Variants in TBC1D19 observed in about 807,000 individuals in gnomAD.
TBC1D19 encodes TBC1 domain family, member 19.
Under a neutral mutation model 89.0 loss-of-function variants are expected in TBC1D19, and 60 were observed. The observed-to-expected ratio is 0.67, with a 90% CI of 0.55 to 0.84. TBC1D19 has a LOEUF of 0.84. Among genes scored for constraint, TBC1D19 ranks in the 40% least tolerant of loss-of-function variants. TBC1D19 has a pLI of 0.00. For synonymous variants in TBC1D19, 189 were observed against 199.7 expected, an observed-to-expected ratio of 0.95 and a Z score of 0.45; for missense variants, 500 against 610.8, an observed-to-expected ratio of 0.82 and a Z score of 1.91.
the TBC1D19 span, among the ~76,000 whole-genome samples, chr4:26,801,677 A>G: frequency 3.3e-5 from 5 of 152,202 alleles, no homozygotes; most frequent in East Asian, 9.6e-4. Flanking sequence ...ATCCTCTTTT[A>G]TTTCATTGAA....
At chr4:26,765,630 C>G in the TBC1D19 span, among the ~76,000 whole-genome samples, 1 of 152,124 alleles carries the variant, frequency 6.6e-6, no homozygotes, top group African/African-American at 2.4e-5. Flanking sequence ...GAGCAATAAA[C>G]TTTACTGCTG....
chr4:26,688,341 A>T lies in TBC1D19; in HGVS notation c.892-4A>T. On this transcript the variant is annotated splice_polypyrimidine_tract_variant and splice_region_variant and intron_variant, in intron 12 of 20. Coordinates refer to ENST00000264866, the MANE Select transcript of TBC1D19 (RefSeq NM_018317.4). The stretch of plus-strand genomic sequence containing the variant: ...TTTTCAGTACTGTCTACTTTTAATT[A>T]TAGGATGTGAAGTTGACAGCAAGCA... 6.4e-7 allele frequency: 1 copy of T among 1,571,114 alleles called. No homozygotes were observed. Among genetic ancestry groups the T allele is most frequent in the Non-Finnish European group, 8.7e-7 (1 of 1,153,530 alleles).
At chr4:26,646,723 T>C (rs1006750785) in intron 7 of TBC1D19, among the ~76,000 whole-genome samples, 2 of 152,156 alleles carry the variant, frequency 1.3e-5, no homozygotes, top group Non-Finnish European at 2.9e-5. Flanking sequence ...CTGCATGTTC[T>C]CACTCATAGG....
chr4:26,585,519 A>G (rs753006916), intron 1 of TBC1D19, among the ~76,000 whole-genome samples: 2 of 150,284 alleles, frequency 1.3e-5, no homozygotes, highest in Non-Finnish European at 3.0e-5. Flanking sequence ...AGTTGTAAGG[A>G]TTCTTTCTAT....
At chr4:26,715,948 C>T (rs940321390) in intron 13 of TBC1D19, among the ~76,000 whole-genome samples, 2 of 152,010 alleles carry the variant, frequency 1.3e-5, no homozygotes, top group Non-Finnish European at 2.9e-5. Context: ...CACATATATC[C>T]GCATGCTAAG....
At chr4:26,654,139 G>A (rs1744614259) in intron 7 of TBC1D19, among the ~76,000 whole-genome samples, 1 of 152,164 alleles carries the variant, frequency 6.6e-6, no homozygotes, top group South Asian at 2.1e-4. Context: ...ACAAAGCTTA[G>A]TTTGTCTGGA....
chr4:26,686,016 C>A (rs148899796), intron 12 of TBC1D19, among the ~76,000 whole-genome samples: 5 of 152,064 alleles, frequency 3.3e-5, no homozygotes, highest in African/African-American at 1.2e-4. Flanking sequence ...CTAAGCTGTG[C>A]GCAACGTGAA....
intron 10 of TBC1D19, 71 bp downstream of exon 10, chr4:26,672,258 T>C: frequency 2.5e-6 from 3 of 1,186,114 alleles, no homozygotes; most frequent in Non-Finnish European, 3.3e-6. Flanking sequence ...CTGCCTCAGA[T>C]AACCTCCAGG....
the TBC1D19 span, among the ~76,000 whole-genome samples, chr4:26,842,630 TTCTTTC>T: frequency 1.4e-5 from 2 of 146,996 alleles, no homozygotes; most frequent in East Asian, 2.0e-4. Flanking sequence ...CTTTCTTTCT[TTCTTTC>T]TTTCTTTCTT....
intron 1 of TBC1D19, among the ~76,000 whole-genome samples, chr4:26,590,629 G>C (rs1305342498): frequency 1.3e-5 from 2 of 151,924 alleles, no homozygotes; most frequent in Non-Finnish European, 2.9e-5. Context: ...CAGAAAAATT[G>C]ATCAGAAAGT....
At chr4:26,713,456 A>G (rs1402435341) in intron 13 of TBC1D19, among the ~76,000 whole-genome samples, 3 of 152,074 alleles carry the variant, frequency 2.0e-5, no homozygotes, top group African/African-American at 7.2e-5. Context: ...AATACTAGAG[A>G]TGTTCCCACT....
At chr4:26,756,896 A>G (rs1050052401), downstream of TBC1D19, among the ~76,000 whole-genome samples, 6 of 152,162 alleles carry the variant, frequency 3.9e-5, no homozygotes, top group Non-Finnish European at 8.8e-5. Flanking sequence ...CTGAATCCCA[A>G]AGCCAGACCT....
chr4:26,669,035 C>T (rs1348477874), intron 9 of TBC1D19, among the ~76,000 whole-genome samples: 1 of 148,250 alleles, frequency 6.7e-6, no homozygotes, highest in African/African-American at 2.5e-5. Flanking sequence ...ACTATGGAAA[C>T]CATTTATAAG....
intron 1 of TBC1D19, among the ~76,000 whole-genome samples, chr4:26,592,911 G>T (rs1383370161): frequency 1.6e-4 from 25 of 152,078 alleles, no homozygotes; most frequent in Non-Finnish European, 3.5e-4. Flanking sequence ...TGGCCATACT[G>T]CCCAAGGTAA....
chr4:26,656,981 T>TCTCCTTCTCCTTCTC (rs1479076361), intron 7 of TBC1D19, among the ~76,000 whole-genome samples: 154 of 7,122 alleles, frequency 0.022, 1 homozygote, highest in Non-Finnish European at 0.048. Context: ...TTCTTCTTCT[T>TCTCCTTCTCCTTCTC]CTTCTTCTTC....
intron 1 of TBC1D19, among the ~76,000 whole-genome samples, chr4:26,596,719 A>T (rs1243759128): frequency 2.6e-5 from 4 of 151,264 alleles, no homozygotes; most frequent in Admixed American, 2.0e-4. Flanking sequence ...TAAAACATGC[A>T]TGCAAGGTTA....
At chr4:26,720,059 C>T in intron 14 of TBC1D19, 22 bp from the exon 15 acceptor site, 1 of 1,573,380 alleles carries the variant, frequency 6.4e-7, no homozygotes, top group Non-Finnish European at 8.6e-7. Context: ...ATATTGAAAT[C>T]CTCTATGGTT....
At chr4:26,708,598 A>G (rs1715910488) in intron 13 of TBC1D19, among the ~76,000 whole-genome samples, 1 of 151,982 alleles carries the variant, frequency 6.6e-6, no homozygotes, top group African/African-American at 2.4e-5. Context: ...TGAGACTCCT[A>G]CCTTGCATAT....
At chr4:26,637,147 TA>T in intron 4 of TBC1D19, 63 bp from the exon 5 acceptor site, 1 of 1,173,966 alleles carries the variant, frequency 8.5e-7, no homozygotes, top group Non-Finnish European at 1.2e-6. Context: ...GTAATATCTT[TA>T]ATTTTTTTAT....
Sources: allele counts gnomAD v4.1 joint callset (sites outside exome capture counted in the v4.1 genomes callset), GRCh38; gene constraint gnomAD v4.1.1; transcripts MANE v1.5; gene names NCBI Gene and HGNC (gene_info 2026-07-23, HGNC 2026-07-21).